The following TRMT9B variants were observed in gnomAD, a reference collection of about 807,000 sequenced individuals.
The protein encoded by TRMT9B is probable tRNA methyltransferase 9B.
A neutral mutation model predicts 11.5 loss-of-function variants in TRMT9B; 16 were observed. That is an observed-to-expected ratio of 1.39 (90% CI 0.94 to 2.11). The LOEUF is 2.11. Among genes scored for constraint, TRMT9B ranks in the 30% most tolerant of loss-of-function variants. The probability of loss-of-function intolerance (pLI) is 0.00; values close to 1 mark genes in which losing one functional copy is unlikely to be tolerated. For missense variants in TRMT9B, 941 were observed against 553.8 expected (o/e 1.70, Z -7.02); for synonymous variants, 274 against 192.4 (o/e 1.42, Z -3.51).
In TRMT9B at chr8:13,020,843, A is replaced by G. The variant is rs74589745; in HGVS notation, c.329-165A>G. 2.5e-3 allele frequency among the ~76,000 whole-genome samples: 375 copies of G among 152,324 alleles called. 1 individual carries two copies. The highest frequency in any genetic ancestry group is 8.5e-3 in the African/African-American group (354 of 41,564). On this transcript the variant is annotated intron_variant, in intron 4 of 4. Transcript: ENST00000524591. ...CAAAGCTAAAATTTATGTTTCTCCT[A>G]AAATCAGTCCTGTGTTATTTCTGTC...
chr8:13,000,060 G>T (rs1473207169), intron 2 of TRMT9B, among the ~76,000 whole-genome samples: 3 of 152,052 alleles, frequency 2.0e-5, no homozygotes, highest in Non-Finnish European at 2.9e-5. Context: ...TATTCCTTTT[G>T]GTGGGTGGGA....
intron 4 of TRMT9B, among the ~76,000 whole-genome samples, chr8:13,014,621 TCGAC>T: frequency 6.6e-6 from 1 of 152,298 alleles, no homozygotes; most frequent in East Asian, 1.9e-4. Context: ...GGTTAGGGCT[TCGAC>T]ATGTTGGTCT....
At chr8:13,019,113 G>C (rs996489746) in intron 4 of TRMT9B, among the ~76,000 whole-genome samples, 1 of 152,052 alleles carries the variant, frequency 6.6e-6, no homozygotes, top group African/African-American at 2.4e-5. Flanking sequence ...TACAATTTGG[G>C]GAGTATTGAT....
intron 2 of TRMT9B, among the ~76,000 whole-genome samples, chr8:12,997,760 C>A (rs1234582121): frequency 6.6e-6 from 1 of 152,096 alleles, no homozygotes; most frequent in African/African-American, 2.4e-5. Flanking sequence ...TATGTATATA[C>A]TTTTAAGAGT....
At position 12,994,685 on chromosome 8, in the gene TRMT9B, C is replaced by CT. The variant is rs199693070; in HGVS notation, c.-2+3663dup. Among the ~76,000 whole-genome samples the CT allele has an allele frequency of 2.9e-3, 443 of 151,732 alleles. 2 individuals are homozygous for CT. The highest frequency in any genetic ancestry group is 0.01 in the African/African-American group (426 of 41,414). ...TTAAACGACAAGAAACGAACATTTT[C>CT]TTTTTTTTTATTTGAGACGGAGTTT... On this transcript the variant is annotated intron_variant, in intron 2 of 4. Transcript: ENST00000524591.
Position 13,025,178 on chromosome 8 carries a change from T to G in TRMT9B, c.*3134T>G, listed in dbSNP as rs530515. On this transcript the variant is annotated 3_prime_UTR_variant, in exon 5 of 5. Coordinates refer to ENST00000524591, the MANE Select transcript of TRMT9B (RefSeq NM_020844.3). ...CTGGCATCAGCACAGAGTCCCACTA[T>G]CTGAAATAGAAGGGAGAGTTTGGGG... 75,422 of 166,778 alleles carry G rather than the reference T, an allele frequency of 0.45. 18,306 individuals carry two copies. The highest frequency in any genetic ancestry group is 0.64 in the Middle Eastern group (192 of 298). 10.3% of individuals were successfully genotyped at this position (166,778 alleles called of 1,614,324 possible).
At chr8:13,016,892 T>G (rs753775392) in intron 4 of TRMT9B, among the ~76,000 whole-genome samples, 4 of 150,316 alleles carry the variant, frequency 2.7e-5, no homozygotes, top group South Asian at 4.3e-4. Flanking sequence ...TTTGGGAGAC[T>G]GAGGCAGGCG....
intron 1 of TRMT9B, among the ~76,000 whole-genome samples, chr8:12,978,075 G>C (rs1804739440): frequency 6.6e-6 from 1 of 152,124 alleles, no homozygotes; most frequent in South Asian, 2.1e-4. Flanking sequence ...GGGAAAAGGA[G>C]TCAGGCTGAA....
At chr8:12,969,846 A>ATTTTTTTTT (rs368805990) in intron 1 of TRMT9B, among the ~76,000 whole-genome samples, 4 of 124,368 alleles carry the variant, frequency 3.2e-5, no homozygotes, top group Admixed American at 8.2e-5. Context: ...TAATGTTTTA[A>ATTTTTTTTT]TTTTTTTTTT....
At chr8:12,951,225 T>A (rs1415568215) in intron 1 of TRMT9B, 2 of 152,168 alleles carry the variant, frequency 1.3e-5, no homozygotes, top group African/African-American at 2.4e-5. Context: ...TGTAGTGGAA[T>A]GATTTGGAGC....
intron 1 of TRMT9B, among the ~76,000 whole-genome samples, chr8:12,974,191 C>A (rs1018372082): frequency 2.0e-5 from 3 of 151,814 alleles, no homozygotes; most frequent in South Asian, 2.1e-4. Context: ...AAGAAAAGGA[C>A]TTTTCTGGCT....
At chr8:13,013,684 G>A (rs1347975625) in intron 4 of TRMT9B, among the ~76,000 whole-genome samples, 2 of 152,154 alleles carry the variant, frequency 1.3e-5, no homozygotes, top group Non-Finnish European at 1.5e-5. Flanking sequence ...CGGGTGCAGC[G>A]GCTCATGCCT....
At chr8:12,981,758 C>T (rs1805433132) in intron 1 of TRMT9B, among the ~76,000 whole-genome samples, 1 of 152,112 alleles carries the variant, frequency 6.6e-6, no homozygotes, top group East Asian at 1.9e-4. Flanking sequence ...CACCACCACA[C>T]CCGGCTATTT....
At chr8:12,983,001 G>A (rs1325187405) in intron 1 of TRMT9B, among the ~76,000 whole-genome samples, 1 of 152,178 alleles carries the variant, frequency 6.6e-6, no homozygotes, top group Non-Finnish European at 1.5e-5. Flanking sequence ...CCAACCACGG[G>A]TTCCCCACGA....
In TRMT9B at chr8:12,986,534, A is replaced by T. The variant is rs1005821433; in HGVS notation, c.-199-4300A>T. Among the ~76,000 whole-genome samples, 3 of 152,344 alleles carry T rather than the reference A, an allele frequency of 2.0e-5. No individual in the cohort carries two copies. In the South Asian group the frequency reaches 6.2e-4, roughly 32 times the overall value. On this transcript the variant is annotated intron_variant, in intron 1 of 4. Coordinates refer to ENST00000524591, the MANE Select transcript of TRMT9B (RefSeq NM_020844.3). ...TTCAAAATCAGTTACCAGTATCTAG[A>T]CCTTCTTATATCCTATTTCCCGCAA...
intron 2 of TRMT9B, among the ~76,000 whole-genome samples, chr8:12,995,237 C>A (rs995523835): frequency 6.6e-6 from 1 of 152,194 alleles, no homozygotes; most frequent in Non-Finnish European, 1.5e-5. Context: ...TAACACAAAG[C>A]TTCAAGCAAG....
In TRMT9B at chr8:13,018,272, T is replaced by C. The variant is rs572282315; in HGVS notation, c.329-2736T>C. On this transcript the variant is annotated intron_variant, in intron 4 of 4. Coordinates refer to ENST00000524591, the MANE Select transcript of TRMT9B (RefSeq NM_020844.3). ...CAAAAATTAGCTGGGTGTGGTGATA[T>C]ATACCTGTGGTCCCAGCTACTCAGG... 3.3e-5 allele frequency among the ~76,000 whole-genome samples: 5 copies of C among 151,200 alleles called. No homozygotes were observed. In the South Asian group the frequency reaches 8.4e-4, roughly 25 times the overall value.
In TRMT9B at chr8:13,023,665, T is replaced by C. The variant is rs77113998; in HGVS notation, c.*1621T>C. On this transcript the variant is annotated 3_prime_UTR_variant, in exon 5 of 5. Coordinates refer to ENST00000524591, the MANE Select transcript of TRMT9B (RefSeq NM_020844.3). ...TGAGAAAATTGACATCTGACAAGAG[T>C]CTTTTTACTTTATGCTGGATGAAAA... The C allele has an allele frequency of 4.7e-3, 782 of 167,106 alleles. 37 individuals carry two copies. In the East Asian group the frequency reaches 0.1, roughly 21 times the overall value. 10.4% of individuals were successfully genotyped at this position (167,106 alleles called of 1,614,324 possible).
In TRMT9B at chr8:13,022,065, C is replaced by T. The variant is rs769191574; in HGVS notation, c.*21C>T. ...ATTGATTGGATCCTTTTAGACAACT[C>T]CTCCAAAAGATGAACCACATTCTTT... is the stretch of plus-strand genomic sequence containing the variant. On this transcript the variant is annotated 3_prime_UTR_variant, in exon 5 of 5. Transcript: ENST00000524591. The T allele has an allele frequency of 2.0e-6, 3 of 1,488,668 alleles. No individual in the cohort carries two copies. Among genetic ancestry groups the T allele is most frequent in the African/African-American group, 2.8e-5 (2 of 71,260 alleles). The allele number at this position is 1,488,668 out of a possible 1,614,324, so 92.2% of individuals were successfully genotyped here. A position where few individuals can be genotyped will look rare whatever the true frequency, so the allele number is the denominator to read the frequency against.
Sources: allele counts gnomAD v4.1 joint callset (sites outside exome capture counted in the v4.1 genomes callset), GRCh38; gene constraint gnomAD v4.1.1; transcripts MANE v1.5; gene names NCBI Gene and HGNC (gene_info 2026-07-23, HGNC 2026-07-21).